The following LINGO2 variants were observed in gnomAD, a reference collection of about 807,000 sequenced individuals.
LINGO2 encodes the protein leucine-rich repeat and immunoglobulin-like domain-containing nogo receptor-interacting protein 2.
A neutral mutation model predicts 30.6 loss-of-function variants in LINGO2; 14 were observed. The ratio of observed to expected loss-of-function variants is 0.46; its 90% CI spans 0.30 to 0.72. LINGO2 has a LOEUF of 0.72. LINGO2 is among the 30% of genes least tolerant of loss of function. The pLI, the probability that LINGO2 is intolerant of heterozygous loss-of-function variation, is 0.07. For missense variants in LINGO2, 729 were observed against 751.7 expected, an observed-to-expected ratio of 0.97 and a Z score of 0.35; for synonymous variants, 317 against 288.5, an observed-to-expected ratio of 1.10 and a Z score of -1.00.
chr9:29,141,118 A>T, the LINGO2 span, among the ~76,000 whole-genome samples: 21 of 152,084 alleles, frequency 1.4e-4, no homozygotes, highest in Admixed American at 1.1e-3. Flanking sequence ...TAGCAAAGGT[A>T]AATATTTAGA....
the LINGO2 span, among the ~76,000 whole-genome samples, chr9:28,776,808 A>AACT: frequency 6.6e-6 from 1 of 151,656 alleles, no homozygotes; most frequent in Admixed American, 6.6e-5. Flanking sequence ...GAGTATATAG[A>AACT]ACCCCAGTCA....
chr9:28,878,916 G>C, the LINGO2 span, among the ~76,000 whole-genome samples: 1 of 152,130 alleles, frequency 6.6e-6, no homozygotes, highest in Non-Finnish European at 1.5e-5. Context: ...GCATTCCTTT[G>C]AAAACTGGCA....
Position 28,256,668 on chromosome 9 carries a change from T to C in LINGO2, c.-87+38540A>G, listed in dbSNP as rs186515707. Among the ~76,000 whole-genome samples, 3 of 151,930 alleles carry C rather than the reference T, an allele frequency of 2.0e-5. No individual in the cohort carries two copies. The East Asian group carries it at 5.8e-4, about 29-fold the overall frequency. On this transcript the variant is annotated intron_variant, in intron 4 of 5. Transcript: ENST00000379992. ...GGAAAAGAACATTCTGGACAGAGGG[T>C]ACAAGCAGCAAAGAACAAGCTTGAC...
At chr9:28,933,306 A>C in the LINGO2 span, among the ~76,000 whole-genome samples, 1 of 152,190 alleles carries the variant, frequency 6.6e-6, no homozygotes, top group Non-Finnish European at 1.5e-5. Context: ...TGGGTTCCCC[A>C]AAATCCTTAG....
chr9:28,342,335 T>C (rs188681931), intron 3 of LINGO2, among the ~76,000 whole-genome samples: 1 of 152,212 alleles, frequency 6.6e-6, no homozygotes, highest in East Asian at 1.9e-4. Flanking sequence ...AAATCCTACA[T>C]ATAGACAGAA....
the LINGO2 span, among the ~76,000 whole-genome samples, chr9:29,055,859 C>T: frequency 6.9e-3 from 1,050 of 151,470 alleles, 10 homozygotes; most frequent in Non-Finnish European, 0.01. Flanking sequence ...GTAATGGTCT[C>T]CAACTCTATC....
At chr9:28,876,392 C>G in the LINGO2 span, among the ~76,000 whole-genome samples, 1 of 147,070 alleles carries the variant, frequency 6.8e-6, no homozygotes, top group Admixed American at 6.8e-5. Flanking sequence ...TAAGGCTATC[C>G]CTCCCCACTC....
At chr9:28,887,712 G>C in the LINGO2 span, among the ~76,000 whole-genome samples, 2 of 152,038 alleles carry the variant, frequency 1.3e-5, no homozygotes, top group African/African-American at 4.8e-5. Flanking sequence ...CAAACAAAAA[G>C]GCTGAGAACT....
intron 1 of LINGO2, among the ~76,000 whole-genome samples, chr9:28,509,971 G>T (rs7857851): frequency 0.45 from 68,375 of 152,054 alleles, 16,266 homozygotes; most frequent in African/African-American, 0.61. Context: ...AATTCGTAAT[G>T]ATAACTGGTA....
At chr9:28,167,990 T>C (rs956142897) in intron 4 of LINGO2, among the ~76,000 whole-genome samples, 2 of 152,194 alleles carry the variant, frequency 1.3e-5, no homozygotes, top group Non-Finnish European at 2.9e-5. Context: ...CCATTCCCAA[T>C]TTTTCCCTGA....
chr9:28,091,179 T>A (rs1237450893), intron 4 of LINGO2, among the ~76,000 whole-genome samples: 1 of 152,024 alleles, frequency 6.6e-6, no homozygotes, highest in Non-Finnish European at 1.5e-5. Flanking sequence ...CCATCAAGCT[T>A]CCAATGACTT....
chr9:28,803,901 G>A, the LINGO2 span, among the ~76,000 whole-genome samples: 28 of 152,066 alleles, frequency 1.8e-4, no homozygotes, highest in African/African-American at 6.0e-4. Flanking sequence ...TTTATGTTTT[G>A]TAAAATAAGG....
intron 5 of LINGO2, among the ~76,000 whole-genome samples, chr9:27,990,572 CATT>C (rs1291684130): frequency 6.7e-6 from 1 of 149,786 alleles, no homozygotes; most frequent in Non-Finnish European, 1.5e-5. Flanking sequence ...GGAACAAAGG[CATT>C]AAAAAAAGAA....
chr9:29,104,823 A>G, the LINGO2 span, among the ~76,000 whole-genome samples: 2 of 152,188 alleles, frequency 1.3e-5, no homozygotes, highest in Non-Finnish European at 2.9e-5. Context: ...AAATAATCTT[A>G]TGAAGGTCAA....
chr9:28,388,382 CT>C (rs1160114485), intron 2 of LINGO2, among the ~76,000 whole-genome samples: 2 of 152,178 alleles, frequency 1.3e-5, no homozygotes, highest in African/African-American at 2.4e-5. Context: ...ACGTTCACCC[CT>C]GTGTCTCCTG....
chr9:28,503,332 T>A (rs1194026820), intron 1 of LINGO2, among the ~76,000 whole-genome samples: 3 of 152,058 alleles, frequency 2.0e-5, no homozygotes. Context: ...GTCATTATAG[T>A]TGATGAAGGC....
At chr9:28,503,794 G>A (rs1032734416) in intron 1 of LINGO2, among the ~76,000 whole-genome samples, 1 of 151,758 alleles carries the variant, frequency 6.6e-6, no homozygotes, top group African/African-American at 2.4e-5. Context: ...TTGGTGGTGA[G>A]CAGGAGGAAT....
chr9:28,066,563 T>C (rs1468069094), intron 4 of LINGO2, among the ~76,000 whole-genome samples: 1 of 152,108 alleles, frequency 6.6e-6, no homozygotes, highest in African/African-American at 2.4e-5. Context: ...GAACCAGCTC[T>C]CTTTCCACAT....
At chr9:27,951,408 G>A (rs536849976) in intron 5 of LINGO2, among the ~76,000 whole-genome samples, 1 of 152,288 alleles carries the variant, frequency 6.6e-6, no homozygotes, top group South Asian at 2.1e-4. Flanking sequence ...GAATGAGGCA[G>A]AATCAAGGTA....
Sources: allele counts gnomAD v4.1 joint callset (sites outside exome capture counted in the v4.1 genomes callset), GRCh38; gene constraint gnomAD v4.1.1; transcripts MANE v1.5; gene names NCBI Gene and HGNC (gene_info 2026-07-23, HGNC 2026-07-21).